ATXN1: variants seen among roughly 807,000 people sequenced by gnomAD.
The protein encoded by ATXN1 is ataxin 1.
In ATXN1, 8 loss-of-function variants were observed where a neutral mutation model predicts 56.4. The observed-to-expected ratio is 0.14, with a 90% CI of 0.08 to 0.26. The LOEUF is 0.26. Ranked by LOEUF, ATXN1 falls within the 10% of genes least tolerant of loss-of-function variation. ATXN1 has a pLI of 1.00. For synonymous variants in ATXN1, 514 were observed against 494.6 expected (o/e 1.04, Z -0.52); for missense variants, 987 against 1,106.5 (o/e 0.89, Z 1.53).
At chr6:16,679,684 T>C (rs1174455129) in intron 2 of ATXN1, among the ~76,000 whole-genome samples, 1 of 152,216 alleles carries the variant, frequency 6.6e-6, no homozygotes, top group African/African-American at 2.4e-5. Context: ...AAGAAAGAAC[T>C]CAATGGAAGA....
chr6:16,738,923 C>T (rs1269025240), intron 2 of ATXN1: 3 of 152,156 alleles, frequency 2.0e-5, no homozygotes. Flanking sequence ...TGTATCCATT[C>T]TCCAATACAC....
At chr6:16,603,700 C>T (rs1039716537) in intron 3 of ATXN1, among the ~76,000 whole-genome samples, 3 of 152,120 alleles carry the variant, frequency 2.0e-5, no homozygotes, top group East Asian at 1.9e-4. Flanking sequence ...CAAGAAAAGA[C>T]GCGGGAGGCT....
intron 6 of ATXN1, among the ~76,000 whole-genome samples, chr6:16,436,285 C>A (rs1165062409): frequency 6.6e-6 from 1 of 152,090 alleles, no homozygotes; most frequent in Admixed American, 6.5e-5. Context: ...ATATTAACAC[C>A]CTCATAACCC....
chr6:16,375,174 A>G (rs1294369889), intron 6 of ATXN1, among the ~76,000 whole-genome samples: 1 of 150,158 alleles, frequency 6.7e-6, no homozygotes, highest in Non-Finnish European at 1.5e-5. Flanking sequence ...GCATCAAAAG[A>G]AGAACACCAA....
intron 4 of ATXN1, among the ~76,000 whole-genome samples, chr6:16,576,003 C>A (rs962553381): frequency 6.6e-6 from 1 of 152,100 alleles, no homozygotes; most frequent in Non-Finnish European, 1.5e-5. Context: ...CATCAAACCT[C>A]AAGGGCACAC....
intron 4 of ATXN1, among the ~76,000 whole-genome samples, chr6:16,546,774 C>A (rs1008621342): frequency 3.9e-5 from 6 of 152,114 alleles, no homozygotes; most frequent in Non-Finnish European, 7.3e-5. Flanking sequence ...AGATGACTTC[C>A]GTGAGGTGAG....
intron 3 of ATXN1, among the ~76,000 whole-genome samples, chr6:16,607,229 G>A (rs938271880): frequency 2.0e-5 from 3 of 152,180 alleles, no homozygotes; most frequent in African/African-American, 7.2e-5. Flanking sequence ...TTGTGGCCTT[G>A]GGAAAGTTAT....
intron 3 of ATXN1, among the ~76,000 whole-genome samples, chr6:16,628,904 G>A (rs1254383541): frequency 6.6e-6 from 1 of 152,144 alleles, no homozygotes; most frequent in South Asian, 2.1e-4. Context: ...CTTTGCTACT[G>A]TGAATAGTGC....
intron 6 of ATXN1, among the ~76,000 whole-genome samples, chr6:16,426,330 C>T (rs1759154028): frequency 6.6e-6 from 1 of 152,004 alleles, no homozygotes; most frequent in Non-Finnish European, 1.5e-5. Flanking sequence ...TGAAGCCAGC[C>T]AGGCAAATGA....
intron 2 of ATXN1, among the ~76,000 whole-genome samples, chr6:16,728,592 A>T (rs1166746666): frequency 6.6e-6 from 1 of 152,008 alleles, no homozygotes; most frequent in African/African-American, 2.4e-5. Context: ...AAGTTAGAAA[A>T]CTCCAAAGGA....
intron 2 of ATXN1, among the ~76,000 whole-genome samples, chr6:16,708,580 TC>T (rs1459302318): frequency 3.9e-5 from 6 of 152,150 alleles, no homozygotes; most frequent in Non-Finnish European, 8.8e-5. Context: ...CATATTCAGA[TC>T]AGTAGATTTC....
rs555394805 is a variant in ATXN1, at chr6:16,327,141, C to T, written c.1170G>A (p.Thr390=). 1.1e-4 allele frequency: 180 copies of T among 1,613,584 alleles called. No individual in the cohort carries two copies. In the East Asian group the frequency reaches 3.1e-3, roughly 27 times the overall value. ...ASVMVLPNSN[T]PAADLEVQQA... is the part of the protein sequence containing the mutation. ...GTTGCACCTCCAGGTCAGCTGCGGG[C>T]GTGTTGCTGTTGGGCAGGACCATCA... Residue 390 remains threonine (T), a synonymous_variant, in exon 7 of 8, where the codon ACG becomes ACA. Transcript: ENST00000436367.
intron 3 of ATXN1, among the ~76,000 whole-genome samples, chr6:16,626,004 G>A (rs1277308828): frequency 6.6e-6 from 1 of 152,078 alleles, no homozygotes; most frequent in Non-Finnish European, 1.5e-5. Context: ...CGTACTTCCT[G>A]TTTCATAACA....
intron 2 of ATXN1, among the ~76,000 whole-genome samples, chr6:16,683,524 G>A (rs956044764): frequency 6.6e-6 from 1 of 152,192 alleles, no homozygotes; most frequent in Non-Finnish European, 1.5e-5. Context: ...CTCCTCATCA[G>A]ACAGCTGAAG....
At chr6:16,576,212 G>C (rs1762419615) in intron 4 of ATXN1, among the ~76,000 whole-genome samples, 1 of 152,084 alleles carries the variant, frequency 6.6e-6, no homozygotes, top group Admixed American at 6.5e-5. Context: ...TATCATCAGA[G>C]AAAGATGGAC....
At chr6:16,416,672 A>T (rs1411405290) in intron 6 of ATXN1, among the ~76,000 whole-genome samples, 1 of 152,206 alleles carries the variant, frequency 6.6e-6, no homozygotes, top group African/African-American at 2.4e-5. Context: ...CGTACACCCT[A>T]AACGTTTAAA....
chr6:16,714,879 A>G (rs1759605831), intron 2 of ATXN1, among the ~76,000 whole-genome samples: 1 of 151,954 alleles, frequency 6.6e-6, no homozygotes, highest in Non-Finnish European at 1.5e-5. Flanking sequence ...CAGATAAGCC[A>G]CACCATTCTA....
intron 3 of ATXN1, among the ~76,000 whole-genome samples, chr6:16,589,035 C>T (rs1035571248): frequency 1.3e-5 from 2 of 152,104 alleles, no homozygotes; most frequent in African/African-American, 4.8e-5. Context: ...CTGACCCCAT[C>T]TTGTTTCCCT....
intron 4 of ATXN1, among the ~76,000 whole-genome samples, chr6:16,561,678 T>C (rs1284334534): frequency 6.6e-6 from 1 of 152,188 alleles, no homozygotes; most frequent in Non-Finnish European, 1.5e-5. Context: ...CTGGGGTCAT[T>C]TGAGATTATG....
Sources: gnomAD v4.1 joint callset for allele counts (sites outside exome capture counted in the v4.1 genomes callset) on GRCh38, gnomAD v4.1.1 for gene constraint, MANE v1.5 for transcripts, NCBI Gene and HGNC (gene_info 2026-07-23, HGNC 2026-07-21) for gene names.